GPD2: variants seen among roughly 807,000 people sequenced by gnomAD.
GPD2 encodes the protein glycerol-3-phosphate dehydrogenase, mitochondrial.
A neutral mutation model predicts 82.4 loss-of-function variants in GPD2; 54 were observed. That is an observed-to-expected ratio of 0.66 (90% confidence interval 0.53 to 0.82). The LOEUF (loss-of-function observed/expected upper bound fraction) is 0.82, where lower values mean the gene tolerates loss of function less well. Among genes scored for constraint, GPD2 ranks in the 40% least tolerant of loss-of-function variants. The probability of loss-of-function intolerance (pLI) is 0.00; values close to 1 mark genes in which losing one functional copy is unlikely to be tolerated. For missense variants in GPD2, 748 were observed against 896.2 expected, an observed-to-expected ratio of 0.83 and a Z score of 2.11; for synonymous variants, 288 against 306.1, an observed-to-expected ratio of 0.94 and a Z score of 0.62.
intron 6 of GPD2, among the ~76,000 whole-genome samples, chr2:156,519,526 AG>A (rs1354001693): frequency 6.6e-6 from 1 of 152,256 alleles, no homozygotes; most frequent in Non-Finnish European, 1.5e-5. Context: ...AACAATTTCC[AG>A]GGCTCCTACC....
rs536671330 is a variant in GPD2 at position 156,534,884 on chromosome 2, T to C, written c.662-14724T>C. On this transcript the variant is annotated intron_variant, in intron 6 of 16. Coordinates refer to ENST00000438166, the MANE Select transcript of GPD2 (RefSeq NM_000408.5). ...TTATGGTTGCCTGTGAGAAGTTCTG[T>C]GACAAGCATATACCTAATATGGGTA... Among the ~76,000 whole-genome samples, 5 of 152,198 alleles carry C rather than the reference T, an allele frequency of 3.3e-5. No homozygotes were observed. The South Asian group carries it at 1.0e-3, about 32-fold the overall frequency.
At chr2:156,442,523 G>A (rs907054123) in intron 1 of GPD2, among the ~76,000 whole-genome samples, 2 of 152,174 alleles carry the variant, frequency 1.3e-5, no homozygotes, top group African/African-American at 4.8e-5. Flanking sequence ...ATAAAAGAAA[G>A]GATATTGGCT....
the GPD2 span, among the ~76,000 whole-genome samples, chr2:156,425,291 A>G: frequency 6.6e-6 from 1 of 152,042 alleles, no homozygotes; most frequent in Non-Finnish European, 1.5e-5. Context: ...TTTTGTAGAG[A>G]CAGAGTTTCA....
At chr2:156,435,990 G>T (rs1382063358), upstream of GPD2, among the ~76,000 whole-genome samples, 2 of 152,208 alleles carry the variant, frequency 1.3e-5, no homozygotes, top group African/African-American at 4.8e-5. Context: ...TCTGGAGTCC[G>T]GCATCGCCGA....
chr2:156,405,869 G>A, the GPD2 span, among the ~76,000 whole-genome samples: 4 of 152,192 alleles, frequency 2.6e-5, no homozygotes, highest in Non-Finnish European at 4.4e-5. Flanking sequence ...CACCCAGTGC[G>A]ACAGGCAGGG....
chr2:156,513,318 C>A lies in GPD2; in HGVS notation c.498-15C>A. On this transcript the variant is annotated splice_polypyrimidine_tract_variant and intron_variant, in intron 5 of 16. Transcript: ENST00000438166. Reference sequence around the variant, plus strand: ...CTCTGTTTCTGAAGAACTTTCCCCCCTATTTATGCTGTAGGTGGTGGCAGT... The same window carrying A: ...CTCTGTTTCTGAAGAACTTTCCCCCATATTTATGCTGTAGGTGGTGGCAGT... 2 of 1,586,966 alleles carry A rather than the reference C, an allele frequency of 1.3e-6. No homozygotes were observed.
chr2:156,492,560 G>C (rs1290064369), intron 2 of GPD2, among the ~76,000 whole-genome samples: 1 of 151,620 alleles, frequency 6.6e-6, no homozygotes, highest in Non-Finnish European at 1.5e-5. Flanking sequence ...TTTATACATG[G>C]AAATGACATT....
intron 6 of GPD2, among the ~76,000 whole-genome samples, chr2:156,532,903 T>C (rs1345540915): frequency 1.3e-5 from 2 of 152,240 alleles, no homozygotes; most frequent in Non-Finnish European, 2.9e-5. Flanking sequence ...TTTTCTAATT[T>C]ATATTGTGAA....
At chr2:156,483,145 T>C (rs1683798638) in intron 2 of GPD2, among the ~76,000 whole-genome samples, 1 of 151,010 alleles carries the variant, frequency 6.6e-6, no homozygotes, top group African/African-American at 2.4e-5. Context: ...AAAACAAAAA[T>C]AACAAAAAAG....
chr2:156,535,393 G>T (rs1414189557), intron 6 of GPD2, among the ~76,000 whole-genome samples: 4 of 121,240 alleles, frequency 3.3e-5, no homozygotes, highest in Admixed American at 8.8e-5. Context: ...AAGACCTGGG[G>T]GGGGGCGGGG....
Position 156,444,214 on chromosome 2 carries a change from T to C in GPD2, c.-9+7701T>C, listed in dbSNP as rs148911768. Among the ~76,000 whole-genome samples the C allele has an allele frequency of 8.0e-3, 1,222 of 152,314 alleles. 5 individuals are homozygous for C. The highest frequency in any genetic ancestry group is 0.012 in the Non-Finnish European group (787 of 68,018). ...TAGATTTTCCTTTTATTACCTGGAG[T>C]TTGGGGTTTCCTTGCTCTCAGCCTC... On this transcript the variant is annotated intron_variant, in intron 1 of 16. Transcript: ENST00000438166.
intron 6 of GPD2, among the ~76,000 whole-genome samples, chr2:156,539,636 G>A (rs888419762): frequency 2.0e-5 from 3 of 152,180 alleles, no homozygotes; most frequent in African/African-American, 7.2e-5. Flanking sequence ...TTGGCACATG[G>A]TTCCATGTGT....
chr2:156,578,306 A>G (rs1361122899), intron 13 of GPD2, among the ~76,000 whole-genome samples: 1 of 151,980 alleles, frequency 6.6e-6, no homozygotes, highest in African/African-American at 2.4e-5. Context: ...ATACCTTCAC[A>G]CTTCATGTCA....
intron 3 of GPD2, among the ~76,000 whole-genome samples, chr2:156,505,981 A>G (rs938401291): frequency 6.6e-6 from 1 of 152,218 alleles, no homozygotes; most frequent in African/African-American, 2.4e-5. Context: ...GAACCTCAAA[A>G]GGCTTTTAAA....
the GPD2 span, among the ~76,000 whole-genome samples, chr2:156,405,224 G>A: frequency 6.6e-6 from 1 of 152,174 alleles, no homozygotes; most frequent in Non-Finnish European, 1.5e-5. Context: ...TTGGGGTGTA[G>A]TGTAGAAAAG....
At chr2:156,438,136 T>C (rs944581817) in intron 1 of GPD2, among the ~76,000 whole-genome samples, 28 of 152,132 alleles carry the variant, frequency 1.8e-4, no homozygotes, top group Admixed American at 6.5e-4. Context: ...GTGACTAGCT[T>C]GTAATACACC....
chr2:156,407,104 C>T, the GPD2 span, among the ~76,000 whole-genome samples: 2 of 152,066 alleles, frequency 1.3e-5, no homozygotes, highest in South Asian at 2.1e-4. Flanking sequence ...CCCAGCTACT[C>T]GGAAGGCTGA....
Position 156,557,552 on chromosome 2 carries a change from G to T in GPD2, c.1135G>T (p.Val379Leu). The change falls in exon 9 of 17, where the codon GTG becomes TTG. Residue 379 changes from valine (V) to leucine (L), a missense_variant. Physicochemically the swap from Val to Leu is conservative, Grantham distance 32. Transcript: ENST00000438166. ...EEDINFILNE[V>L]RNYLSCDVEV... ...AGATATCAACTTCATTTTGAATGAA[G>T]TGCGTAATTACCTGAGTTGTGATGT... 6.3e-7 allele frequency: 1 copy of T among 1,599,118 alleles called. No individual in the cohort carries two copies. Among genetic ancestry groups the T allele is most frequent in the Non-Finnish European group, 8.6e-7 (1 of 1,166,426 alleles).
the GPD2 span, among the ~76,000 whole-genome samples, chr2:156,416,184 A>G: frequency 6.6e-6 from 1 of 151,822 alleles, no homozygotes; most frequent in Non-Finnish European, 1.5e-5. Flanking sequence ...ATATATATAT[A>G]TATGTATATA....
Sources: allele counts gnomAD v4.1 joint callset (sites outside exome capture counted in the v4.1 genomes callset), GRCh38; gene constraint gnomAD v4.1.1; transcripts MANE v1.5; gene names NCBI Gene and HGNC (gene_info 2026-07-23, HGNC 2026-07-21).